The following GLRB variants were observed in gnomAD, a reference collection of about 807,000 sequenced individuals.
GLRB encodes glycine receptor subunit beta.
Under a neutral mutation model 54.2 loss-of-function variants are expected in GLRB, and 33 were observed. That is an observed-to-expected ratio of 0.61 (90% CI 0.46 to 0.81). The LOEUF is 0.81. Among genes scored for constraint, GLRB ranks in the 40% least tolerant of loss-of-function variants. The pLI, the probability that GLRB is intolerant of heterozygous loss-of-function variation, is 0.00. For missense variants in GLRB, 572 were observed against 584.6 expected (o/e 0.98, Z 0.22); for synonymous variants, 209 against 208.2 (o/e 1.00, Z -0.03).
intron 2 of GLRB, among the ~76,000 whole-genome samples, chr4:157,108,508 T>C (rs1242695124): frequency 1.3e-5 from 2 of 152,098 alleles, no homozygotes; most frequent in Non-Finnish European, 2.9e-5. Context: ...ATGGTGGAAA[T>C]AGCAAGAAAA....
Position 157,169,574 on chromosome 4 carries a change from A to T in GLRB, c.1198-858A>T, listed in dbSNP as rs1013793558. Among the ~76,000 whole-genome samples, 37 of 152,140 alleles carry T rather than the reference A, an allele frequency of 2.4e-4. 1 individual carries two copies. Among genetic ancestry groups the T allele is most frequent in the South Asian group, 1.2e-3 (6 of 4,816 alleles). ...AAAAGTTGACCCTCTATATCCATGG[A>T]TTTTGTGAACACTGTATTTTTGATC... On this transcript the variant is annotated intron_variant, in intron 9 of 9. Coordinates refer to ENST00000264428, the MANE Select transcript of GLRB (RefSeq NM_000824.5).
At chr4:157,153,878 C>T (rs1737121764) in intron 9 of GLRB, among the ~76,000 whole-genome samples, 1 of 152,148 alleles carries the variant, frequency 6.6e-6, no homozygotes, top group South Asian at 2.1e-4. Context: ...CCCACAATTG[C>T]TCTATCAGTT....
At chr4:157,162,446 C>T (rs183506380) in intron 9 of GLRB, among the ~76,000 whole-genome samples, 20 of 152,178 alleles carry the variant, frequency 1.3e-4, no homozygotes, top group East Asian at 3.8e-4. Flanking sequence ...CTTTTCTACT[C>T]TGGTTTCTCC....
intron 3 of GLRB, 70 bp from the exon 4 acceptor site, chr4:157,122,260 C>CA (rs1178108648): frequency 9.2e-6 from 6 of 650,026 alleles, no homozygotes; most frequent in Non-Finnish European, 1.1e-5. Flanking sequence ...ATGTGCAAAC[C>CA]AAAAAAACTA....
In GLRB at chr4:157,143,820, C is replaced by T. The variant is rs149595296; in HGVS notation, c.765C>T (p.Cys255=). 3.0e-4 allele frequency: 484 copies of T among 1,613,214 alleles called. 1 individual carries two copies. The African/African-American group carries it at 5.9e-3, about 20-fold the overall frequency. ...TGCTTCTGAAAGGCTACTACACATGCGTGGAAGTCATCTTCACCCTGAGGA... is the reference window on the plus strand; with the variant it reads ...TGCTTCTGAAAGGCTACTACACATGTGTGGAAGTCATCTTCACCCTGAGGA... The part of the protein sequence containing the change: ...KYYKGTGYYT[C]VEVIFTLRRQ... The change falls in exon 8 of 10, where the codon TGC becomes TGT. Residue 255 remains cysteine, a synonymous_variant. Coordinates refer to ENST00000264428, the MANE Select transcript of GLRB (RefSeq NM_000824.5).
intron 3 of GLRB, among the ~76,000 whole-genome samples, chr4:157,121,445 T>C (rs1735815641): frequency 6.7e-6 from 1 of 148,904 alleles, no homozygotes. Context: ...AGATTAACAT[T>C]ATAAGGCTTG....
rs763666417 is a variant in GLRB at position 157,077,987 on chromosome 4, C to G, written c.-29-9C>G. ...ATAAATGTAAACATTTTCTTGTTCT[C>G]TCTTGTAGATCGATCTTCTGAAATT... is the stretch of plus-strand genomic sequence containing the variant. On this transcript the variant is annotated splice_polypyrimidine_tract_variant and intron_variant, in intron 1 of 9. Transcript: ENST00000264428. 1 of 1,567,402 alleles carries G rather than the reference C, an allele frequency of 6.4e-7. No individual in the cohort carries two copies. Among genetic ancestry groups the G allele is most frequent in the Admixed American group, 1.7e-5 (1 of 59,354 alleles).
At chr4:157,080,123 C>G (rs1734173393) in intron 2 of GLRB, among the ~76,000 whole-genome samples, 1 of 152,080 alleles carries the variant, frequency 6.6e-6, no homozygotes, top group Admixed American at 6.5e-5. Flanking sequence ...TATGTGTAGA[C>G]TGTATATACT....
At chr4:157,079,871 A>G (rs1266994414) in intron 2 of GLRB, among the ~76,000 whole-genome samples, 1 of 152,146 alleles carries the variant, frequency 6.6e-6, no homozygotes, top group Non-Finnish European at 1.5e-5. Context: ...ATTAACACAA[A>G]CTGTTGTCTA....
intron 8 of GLRB, among the ~76,000 whole-genome samples, chr4:157,148,183 C>A (rs767841391): frequency 1.3e-5 from 2 of 152,054 alleles, no homozygotes; most frequent in African/African-American, 2.4e-5. Context: ...GTTCGTAGTA[C>A]TCCCTTTTCC....
chr4:157,080,065 G>A (rs1734171606), intron 2 of GLRB, among the ~76,000 whole-genome samples: 1 of 152,068 alleles, frequency 6.6e-6, no homozygotes, highest in Non-Finnish European at 1.5e-5. Context: ...TATTACGAGA[G>A]TATTTTAGAG....
chr4:157,150,805 A>C (rs1736995050), intron 8 of GLRB, among the ~76,000 whole-genome samples: 1 of 151,878 alleles, frequency 6.6e-6, no homozygotes. Context: ...AACTGTTTTC[A>C]AATGTTTTCT....
intron 4 of GLRB, among the ~76,000 whole-genome samples, chr4:157,126,236 A>C (rs952934352): frequency 2.0e-5 from 3 of 151,888 alleles, no homozygotes; most frequent in African/African-American, 7.2e-5. Context: ...TTTTCTCTAA[A>C]TTTAGATGCT....
chr4:157,170,429 T>C lies in GLRB; in HGVS notation c.1198-3T>C. 1 of 1,545,204 alleles carries C rather than the reference T, an allele frequency of 6.5e-7. No homozygotes were observed. Among genetic ancestry groups the C allele is most frequent in the Non-Finnish European group, 8.9e-7 (1 of 1,117,678 alleles). On this transcript the variant is annotated splice_region_variant and splice_polypyrimidine_tract_variant and intron_variant, in intron 9 of 9. Coordinates refer to ENST00000264428, the MANE Select transcript of GLRB (RefSeq NM_000824.5). Reference sequence around the variant, plus strand: ...ATACATTGTCTTCAATATTTATTCTTAGGTTGGTGAGACCAGATGCAAAAA... The same window carrying C: ...ATACATTGTCTTCAATATTTATTCTCAGGTTGGTGAGACCAGATGCAAAAA...
rs577662708 is a variant in GLRB at position 157,077,873 on chromosome 4, A to G, written c.-29-123A>G. The G allele has an allele frequency of 6.1e-5, 38 of 620,198 alleles. No individual in the cohort carries two copies. In the South Asian group the frequency reaches 6.9e-4, roughly 11 times the overall value. The allele number at this position is 620,198 out of a possible 1,614,324, so 38.4% of individuals were successfully genotyped here. A position where few individuals can be genotyped will look rare whatever the true frequency, so the allele number is the denominator to read the frequency against. On this transcript the variant is annotated intron_variant, in intron 1 of 9. Coordinates refer to ENST00000264428, the MANE Select transcript of GLRB (RefSeq NM_000824.5). ...AAGTATTACCACATAGGACTGAGCA[A>G]TGAGGATTTGATGTACAAATGTACT...
At position 157,170,807 on chromosome 4, in the gene GLRB, C is replaced by G; in HGVS notation, c.*79C>G. 1 of 819,032 alleles carries G rather than the reference C, an allele frequency of 1.2e-6. No homozygotes were observed. Among genetic ancestry groups the G allele is most frequent in the South Asian group, 2.0e-5 (1 of 49,594 alleles). 50.7% of individuals were successfully genotyped at this position (819,032 alleles called of 1,614,324 possible). A position where few individuals can be genotyped will look rare whatever the true frequency, so the allele number is the denominator to read the frequency against. On this transcript the variant is annotated 3_prime_UTR_variant, in exon 10 of 10. Transcript: ENST00000264428. ...TTTCATAAATGCCAATCTGTGAGAA[C>G]TTTTGAATTTTCATAGCAACATTGC...
chr4:157,158,603 T>C (rs1469446055), intron 9 of GLRB, among the ~76,000 whole-genome samples: 1 of 152,102 alleles, frequency 6.6e-6, no homozygotes, highest in Non-Finnish European at 1.5e-5. Context: ...TTTCCTTATT[T>C]CTTGTTTTTG....
chr4:157,098,349 C>T (rs769493847), intron 2 of GLRB, among the ~76,000 whole-genome samples: 1 of 152,042 alleles, frequency 6.6e-6, no homozygotes, highest in Non-Finnish European at 1.5e-5. Context: ...GGTAAGGAGA[C>T]ATTATTTGAA....
chr4:157,089,706 C>A (rs936960999), intron 2 of GLRB, among the ~76,000 whole-genome samples: 3 of 152,160 alleles, frequency 2.0e-5, no homozygotes, highest in Non-Finnish European at 4.4e-5. Context: ...TATCAATTTT[C>A]CCCTGGGTAA....
Sources: gnomAD v4.1 joint callset for allele counts (sites outside exome capture counted in the v4.1 genomes callset) on GRCh38, gnomAD v4.1.1 for gene constraint, MANE v1.5 for transcripts, NCBI Gene and HGNC (gene_info 2026-07-23, HGNC 2026-07-21) for gene names.